VDAC1: variants seen among roughly 807,000 people sequenced by gnomAD.
The protein encoded by VDAC1 is non-selective voltage-gated ion channel VDAC1.
VDAC1 carries 10 observed loss-of-function variants against 34.7 expected under a neutral mutation model. The observed-to-expected ratio is 0.29, with a 90% CI of 0.18 to 0.49. The LOEUF is 0.49. Among genes scored for constraint, VDAC1 ranks in the 20% least tolerant of loss-of-function variants. The pLI, the probability that VDAC1 is intolerant of heterozygous loss-of-function variation, is 0.99. For synonymous variants in VDAC1, 130 were observed against 136.0 expected (o/e 0.96, Z 0.30); for missense variants, 230 against 347.9 (o/e 0.66, Z 2.69).
At chr5:134,084,389 T>C in the VDAC1 span, among the ~76,000 whole-genome samples, 17 of 152,308 alleles carry the variant, frequency 1.1e-4, no homozygotes, top group East Asian at 3.3e-3. Context: ...CTACTGGAGC[T>C]GCATGGGGTA....
the VDAC1 span, among the ~76,000 whole-genome samples, chr5:134,034,574 C>G: frequency 2.0e-4 from 30 of 152,174 alleles, no homozygotes; most frequent in East Asian, 1.9e-4. Flanking sequence ...CCAGAGCCCG[C>G]AGCAGGAAAC....
At chr5:134,031,816 T>G in the VDAC1 span, among the ~76,000 whole-genome samples, 1 of 151,684 alleles carries the variant, frequency 6.6e-6, no homozygotes, top group Non-Finnish European at 1.5e-5. Flanking sequence ...CTGGGAATGG[T>G]GGCAGGTGCC....
the VDAC1 span, among the ~76,000 whole-genome samples, chr5:134,063,995 A>ATTT: frequency 5.8e-5 from 5 of 86,510 alleles, no homozygotes; most frequent in African/African-American, 1.4e-4. Context: ...ACCTGTACTA[A>ATTT]TTTTTTTTTT....
the VDAC1 span, among the ~76,000 whole-genome samples, chr5:134,032,031 G>A: frequency 2.7e-5 from 4 of 147,372 alleles, no homozygotes; most frequent in African/African-American, 1.0e-4. Flanking sequence ...TGGGAGGCAC[G>A]AGAATTGCCT....
the VDAC1 span, among the ~76,000 whole-genome samples, chr5:134,010,911 C>T: frequency 5.3e-5 from 8 of 151,552 alleles, no homozygotes; most frequent in African/African-American, 1.2e-4. Flanking sequence ...CCATCACCAC[C>T]GTAAAGCATA....
At chr5:134,018,990 G>A in the VDAC1 span, among the ~76,000 whole-genome samples, 2 of 152,116 alleles carry the variant, frequency 1.3e-5, 1 homozygote, top group East Asian at 3.9e-4. Context: ...TGGAAGCTCT[G>A]TGTTTGGAAC....
chr5:134,001,669 A>T (rs1379758452), intron 1 of VDAC1, among the ~76,000 whole-genome samples: 1 of 146,836 alleles, frequency 6.8e-6, no homozygotes, highest in Non-Finnish European at 1.5e-5. Flanking sequence ...GGGAGCCGAG[A>T]TTGCACCACT....
chr5:133,998,103 G>T (rs1753403078), intron 1 of VDAC1, among the ~76,000 whole-genome samples: 1 of 151,516 alleles, frequency 6.6e-6, no homozygotes, highest in Non-Finnish European at 1.5e-5. Flanking sequence ...AAGCTAGCTA[G>T]CTATGATACA....
the VDAC1 span, among the ~76,000 whole-genome samples, chr5:134,063,510 C>T: frequency 2.0e-5 from 3 of 152,212 alleles, no homozygotes; most frequent in African/African-American, 4.8e-5. Context: ...AAGTGTGATA[C>T]AAGCAGAGGC....
At chr5:134,037,923 T>G in the VDAC1 span, among the ~76,000 whole-genome samples, 16,002 of 152,228 alleles carry the variant, frequency 0.11, 1,184 homozygotes, top group East Asian at 0.27. Flanking sequence ...ATATTGACAT[T>G]AAGGCAATCA....
At chr5:133,991,526 A>G (rs1015077232) in intron 3 of VDAC1, among the ~76,000 whole-genome samples, 2 of 152,244 alleles carry the variant, frequency 1.3e-5, no homozygotes, top group African/African-American at 4.8e-5. Flanking sequence ...TACTGCACAC[A>G]TAATTTCAAA....
chr5:134,055,640 G>A, the VDAC1 span, among the ~76,000 whole-genome samples: 4 of 119,982 alleles, frequency 3.3e-5, no homozygotes, highest in East Asian at 2.6e-4. Context: ...GGGTTTCACC[G>A]TGGTCTTGAT....
At chr5:134,016,890 C>T in the VDAC1 span, among the ~76,000 whole-genome samples, 4 of 152,146 alleles carry the variant, frequency 2.6e-5, no homozygotes, top group African/African-American at 4.8e-5. Flanking sequence ...TGGCCATGCA[C>T]GACTTGCAAA....
the VDAC1 span, among the ~76,000 whole-genome samples, chr5:134,025,941 T>C: frequency 4.6e-5 from 7 of 152,074 alleles, no homozygotes; most frequent in Admixed American, 3.9e-4. Flanking sequence ...TAGGGAAAGA[T>C]GTGAGTTTGG....
At chr5:134,022,954 C>G in the VDAC1 span, among the ~76,000 whole-genome samples, 1 of 152,106 alleles carries the variant, frequency 6.6e-6, no homozygotes, top group Admixed American at 6.5e-5. Context: ...TACCATTTGA[C>G]CCTGCAATCT....
the VDAC1 span, among the ~76,000 whole-genome samples, chr5:134,091,720 C>G: frequency 6.6e-6 from 1 of 152,180 alleles, no homozygotes; most frequent in African/African-American, 2.4e-5. Flanking sequence ...GTGTACCAGG[C>G]GCCGTTCTAA....
At chr5:134,061,759 C>A in the VDAC1 span, among the ~76,000 whole-genome samples, 3 of 151,764 alleles carry the variant, frequency 2.0e-5, no homozygotes, top group African/African-American at 7.2e-5. Context: ...CTTTGAATTT[C>A]TTTTTCTCAT....
the VDAC1 span, among the ~76,000 whole-genome samples, chr5:134,042,684 G>C: frequency 2.0e-5 from 3 of 152,060 alleles, no homozygotes; most frequent in Non-Finnish European, 4.4e-5. Flanking sequence ...GTAGAGATGG[G>C]GTTTCACCAT....
chr5:134,021,583 C>T, the VDAC1 span, among the ~76,000 whole-genome samples: 1 of 150,996 alleles, frequency 6.6e-6, no homozygotes, highest in East Asian at 1.9e-4. Flanking sequence ...AAAAAAGAAG[C>T]CTTCTGGGGA....
Sources: gnomAD v4.1 joint callset for allele counts (sites outside exome capture counted in the v4.1 genomes callset) on GRCh38, gnomAD v4.1.1 for gene constraint, MANE v1.5 for transcripts, NCBI Gene and HGNC (gene_info 2026-07-23, HGNC 2026-07-21) for gene names.